Variants in SPOCK2 observed in about 807,000 individuals in gnomAD.
The protein encoded by SPOCK2 is testican-2.
In SPOCK2, 39 loss-of-function variants were observed where a neutral mutation model predicts 60.1. That is an observed-to-expected ratio of 0.65 (90% CI 0.50 to 0.85). The LOEUF is 0.85. Among genes scored for constraint, SPOCK2 ranks in the 40% least tolerant of loss-of-function variants. SPOCK2 has a pLI of 0.00. For missense variants in SPOCK2, 523 were observed against 567.4 expected (o/e 0.92, Z 0.80); for synonymous variants, 217 against 231.5 (o/e 0.94, Z 0.57).
At chr10:72,075,872 A>C (rs936705828) in intron 1 of SPOCK2, among the ~76,000 whole-genome samples, 1 of 152,130 alleles carries the variant, frequency 6.6e-6, no homozygotes, top group Admixed American at 6.5e-5. Context: ...GGGGTCCTGC[A>C]GATCCCCAGG....
chr10:72,078,645 C>A (rs1840747190), intron 1 of SPOCK2, among the ~76,000 whole-genome samples: 1 of 152,198 alleles, frequency 6.6e-6, no homozygotes, highest in Admixed American at 6.5e-5. Context: ...CTCTTGATCT[C>A]TCCCTGGCTA....
intron 8 of SPOCK2, among the ~76,000 whole-genome samples, chr10:72,065,892 G>A (rs960030824): frequency 9.9e-5 from 15 of 152,196 alleles, no homozygotes; most frequent in African/African-American, 3.4e-4. Flanking sequence ...ATTTCCTGAC[G>A]CAGATGAAGA....
Sources: gnomAD v4.1 joint callset for allele counts (sites outside exome capture counted in the v4.1 genomes callset) on GRCh38, gnomAD v4.1.1 for gene constraint, MANE v1.5 for transcripts, NCBI Gene and HGNC (gene_info 2026-07-23, HGNC 2026-07-21) for gene names.